The following ACKR2 variants were observed in gnomAD, a reference collection of about 807,000 sequenced individuals.
ACKR2 encodes the protein C-C chemokine receptor D6.
For missense variants in ACKR2, 457 were observed against 477.3 expected, an observed-to-expected ratio of 0.96 and a Z score of 0.40; for synonymous variants, 207 against 192.2, an observed-to-expected ratio of 1.08 and a Z score of -0.64.
intron 2 of ACKR2, among the ~76,000 whole-genome samples, chr3:42,828,092 A>ATATATATTTTTT (rs1193533555): frequency 1.6e-5 from 2 of 121,902 alleles, no homozygotes; most frequent in South Asian, 2.8e-4. Context: ...ATATATATAT[A>ATATATATTTTTT]TTTTTTTTTT....
rs1232656832 is a variant in ACKR2 at position 42,865,547 on chromosome 3, G to A, written c.1045G>A (p.Glu349Lys). ...TAQASLSSCS[E>K]SSILTAQEEM... ...CCAGGCCTCATTATCCAGCTGTTCT[G>A]AGAGCAGCATACTTACTGCCCAAGA... The change falls in exon 3 of 3, where the codon GAG becomes AAG. Residue 349 changes from glutamate to lysine, a missense_variant. Coordinates refer to ENST00000422265, the MANE Select transcript of ACKR2 (RefSeq NM_001296.5). 18 of 1,613,978 alleles carry A rather than the reference G, an allele frequency of 1.1e-5. No individual in the cohort carries two copies. The South Asian group carries it at 2.0e-4, about 18-fold the overall frequency.
At chr3:42,864,066 A>T (rs1198045532) in intron 2 of ACKR2, among the ~76,000 whole-genome samples, 1 of 152,224 alleles carries the variant, frequency 6.6e-6, no homozygotes, top group Non-Finnish European at 1.5e-5. Context: ...AGAAATTATA[A>T]ACCATACATG....
At chr3:42,854,601 G>A (rs2088291534) in intron 2 of ACKR2, among the ~76,000 whole-genome samples, 1 of 152,172 alleles carries the variant, frequency 6.6e-6, no homozygotes, top group Non-Finnish European at 1.5e-5. Flanking sequence ...ATCCACACCT[G>A]TTTCTTTATC....
At chr3:42,856,023 C>G (rs910917425) in intron 2 of ACKR2, 2 of 247,514 alleles carry the variant, frequency 8.1e-6, no homozygotes, top group South Asian at 2.8e-4. Context: ...CCCGAGTATA[C>G]TCCTCACATC....
chr3:42,844,530 C>G (rs968528141), intron 2 of ACKR2, among the ~76,000 whole-genome samples: 1 of 152,082 alleles, frequency 6.6e-6, no homozygotes, highest in African/African-American at 2.4e-5. Context: ...CTTTGTTAGC[C>G]AGAGCAAGGC....
At chr3:42,849,183 T>G (rs1701127130) in intron 2 of ACKR2, among the ~76,000 whole-genome samples, 1 of 152,152 alleles carries the variant, frequency 6.6e-6, no homozygotes, top group South Asian at 2.1e-4. Context: ...TAGTCAGTAC[T>G]GTGATTATGT....
At chr3:42,862,119 C>T (rs1003990177) in intron 2 of ACKR2, among the ~76,000 whole-genome samples, 1 of 152,162 alleles carries the variant, frequency 6.6e-6, no homozygotes, top group Non-Finnish European at 1.5e-5. Flanking sequence ...AAAACCCCAT[C>T]GCCTCAGCCC....
At chr3:42,823,552 T>C (rs7611888) in intron 2 of ACKR2, among the ~76,000 whole-genome samples, 36,943 of 152,110 alleles carry the variant, frequency 0.24, 6,087 homozygotes, top group East Asian at 0.59. Context: ...TGGCTTGCCC[T>C]GACATGTCCA....
intron 2 of ACKR2, among the ~76,000 whole-genome samples, chr3:42,858,440 T>C (rs1283346138): frequency 1.3e-5 from 2 of 152,050 alleles, no homozygotes; most frequent in Non-Finnish European, 2.9e-5. Context: ...GCCTGACTGT[T>C]AGAAGGAAAA....
intron 2 of ACKR2, chr3:42,835,412 G>A (rs145468827): frequency 3.3e-5 from 2 of 60,332 alleles, no homozygotes; most frequent in African/African-American, 4.3e-5. Flanking sequence ...CGTTGCTCAC[G>A]TCTTCACTGA....
chr3:42,830,584 C>T (rs903077533), intron 2 of ACKR2, among the ~76,000 whole-genome samples: 1 of 152,148 alleles, frequency 6.6e-6, no homozygotes, highest in Non-Finnish European at 1.5e-5. Flanking sequence ...TAGTGCAGGA[C>T]ACAAGAAGCT....
intron 2 of ACKR2, among the ~76,000 whole-genome samples, chr3:42,847,444 A>G (rs1701110153): frequency 6.6e-6 from 1 of 152,202 alleles, no homozygotes; most frequent in African/African-American, 2.4e-5. Flanking sequence ...AGCAAATAAA[A>G]GTGAGTAAAT....
intron 1 of ACKR2, among the ~76,000 whole-genome samples, chr3:42,818,159 A>T (rs756814203): frequency 8.5e-5 from 13 of 152,126 alleles, no homozygotes; most frequent in Non-Finnish European, 1.6e-4. Context: ...CACAGACTCC[A>T]TGTGTCCATA....
chr3:42,832,508 A>T (rs929691784), intron 2 of ACKR2, among the ~76,000 whole-genome samples: 1 of 148,610 alleles, frequency 6.7e-6, no homozygotes, highest in African/African-American at 2.5e-5. Context: ...AAAAAAGAAT[A>T]AAAAAAAAAG....
intron 2 of ACKR2, among the ~76,000 whole-genome samples, chr3:42,826,609 A>G (rs1326072537): frequency 6.6e-6 from 1 of 151,956 alleles, no homozygotes; most frequent in East Asian, 1.9e-4. Flanking sequence ...GATTTTAGCA[A>G]TTAGAGTCTT....
In ACKR2 at chr3:42,864,908, A is replaced by C. The variant is rs779939878; in HGVS notation, c.406A>C (p.Ser136Arg). The C allele has an allele frequency of 6.2e-7, 1 of 1,614,010 alleles. No homozygotes were observed. The highest frequency in any genetic ancestry group is 1.3e-5 in the African/African-American group (1 of 74,900). ...INFYSGIFFI[S>R]CMSLDKYLEI... Reference sequence around the variant, plus strand: ...CTTTTACAGTGGCATCTTTTTCATTAGCTGCATGAGCCTGGACAAGTACCT... The same window carrying C: ...CTTTTACAGTGGCATCTTTTTCATTCGCTGCATGAGCCTGGACAAGTACCT... Residue 136 changes from serine (S) to arginine (R), a missense_variant, in exon 3 of 3, where the codon AGC becomes CGC. By Grantham distance (110) the Ser-to-Arg change is moderately radical. Coordinates refer to ENST00000422265, the MANE Select transcript of ACKR2 (RefSeq NM_001296.5).
At chr3:42,817,551 A>G (rs1281451971) in intron 1 of ACKR2, among the ~76,000 whole-genome samples, 1 of 151,882 alleles carries the variant, frequency 6.6e-6, no homozygotes, top group Non-Finnish European at 1.5e-5. Flanking sequence ...TTGCTCTCTC[A>G]CCTGTAATTT....
At chr3:42,823,144 GGA>G (rs1220763048) in intron 2 of ACKR2, among the ~76,000 whole-genome samples, 1 of 152,174 alleles carries the variant, frequency 6.6e-6, no homozygotes, top group Non-Finnish European at 1.5e-5. Flanking sequence ...TGAAGTGGCG[GGA>G]CAGTCTTCTC....
At chr3:42,848,707 G>T (rs1338255545) in intron 2 of ACKR2, among the ~76,000 whole-genome samples, 2 of 152,056 alleles carry the variant, frequency 1.3e-5, no homozygotes, top group African/African-American at 4.8e-5. Flanking sequence ...TCTCAAAGTA[G>T]CAAGATACTT....
Sources: gnomAD v4.1 joint callset for allele counts (sites outside exome capture counted in the v4.1 genomes callset) on GRCh38, gnomAD v4.1.1 for gene constraint, MANE v1.5 for transcripts, NCBI Gene and HGNC (gene_info 2026-07-23, HGNC 2026-07-21) for gene names.